SYNPO2: variants seen among roughly 807,000 people sequenced by gnomAD.
The protein encoded by SYNPO2 is synaptopodin 2.
SYNPO2 carries 56 observed loss-of-function variants against 85.0 expected under a neutral mutation model. That is an observed-to-expected ratio of 0.66 (90% confidence interval 0.53 to 0.82). The LOEUF is 0.82. Among genes scored for constraint, SYNPO2 ranks in the 40% least tolerant of loss-of-function variants. The probability of loss-of-function intolerance (pLI) is 0.00; values close to 1 mark genes in which losing one functional copy is unlikely to be tolerated. For missense variants in SYNPO2, 1,575 were observed against 1,534.2 expected (o/e 1.03, Z -0.44); for synonymous variants, 602 against 591.1 (o/e 1.02, Z -0.27).
chr4:119,023,991 C>A (rs755512260), intron 2 of SYNPO2, among the ~76,000 whole-genome samples: 11 of 152,078 alleles, frequency 7.2e-5, no homozygotes, highest in Non-Finnish European at 1.5e-4. Context: ...TACAATTTTT[C>A]ATTAAAAGGA....
chr4:118,957,943 A>G (rs755222351), intron 1 of SYNPO2, among the ~76,000 whole-genome samples: 7 of 152,186 alleles, frequency 4.6e-5, no homozygotes, highest in African/African-American at 7.2e-5. Context: ...AGTCAAGAAT[A>G]TGCAGCCACT....
At chr4:118,995,204 CTCATTTGCAAAGT>C (rs1736542429) in intron 1 of SYNPO2, among the ~76,000 whole-genome samples, 2 of 152,074 alleles carry the variant, frequency 1.3e-5, no homozygotes, top group Admixed American at 1.3e-4. Flanking sequence ...GCCTGTAGGT[CTCATTTGCAAAGT>C]TCTTTAAACA....
At chr4:118,962,621 G>A (rs1446572324) in intron 1 of SYNPO2, among the ~76,000 whole-genome samples, 2 of 152,116 alleles carry the variant, frequency 1.3e-5, no homozygotes, top group Non-Finnish European at 2.9e-5. Flanking sequence ...TAGCTCCAAA[G>A]TGTTGGAAAT....
chr4:119,042,442 G>C (rs1029964260), intron 4 of SYNPO2: 6 of 152,114 alleles, frequency 3.9e-5, no homozygotes, highest in African/African-American at 7.2e-5. Flanking sequence ...TTGGGCCCTA[G>C]ACTCTGTTAT....
chr4:118,997,239 CAA>C (rs1434428754), intron 1 of SYNPO2, among the ~76,000 whole-genome samples: 12 of 65,192 alleles, frequency 1.8e-4, no homozygotes, highest in Admixed American at 1.8e-4. Flanking sequence ...GACTCCGTCT[CAA>C]AAAAAAAAAA....
At chr4:118,970,621 A>G (rs1388347705) in intron 1 of SYNPO2, among the ~76,000 whole-genome samples, 1 of 152,220 alleles carries the variant, frequency 6.6e-6, no homozygotes, top group Non-Finnish European at 1.5e-5. Flanking sequence ...CCCATAGCAG[A>G]TAACCTCATT....
chr4:118,993,966 C>T (rs1217914616), intron 1 of SYNPO2, among the ~76,000 whole-genome samples: 1 of 152,214 alleles, frequency 6.6e-6, no homozygotes, highest in African/African-American at 2.4e-5. Context: ...TAAGCCGGAC[C>T]AGCTGATCGT....
intron 1 of SYNPO2, among the ~76,000 whole-genome samples, chr4:118,882,775 T>G (rs955099780): frequency 8.3e-5 from 5 of 60,126 alleles, no homozygotes; most frequent in African/African-American, 1.7e-4. Context: ...TGCCTGCTAG[T>G]TTTTTTTTTT....
At chr4:118,961,029 C>A (rs928269554) in intron 1 of SYNPO2, among the ~76,000 whole-genome samples, 1 of 152,034 alleles carries the variant, frequency 6.6e-6, no homozygotes, top group East Asian at 1.9e-4. Context: ...AGCTTCCTAT[C>A]GCCCCTAATA....
intron 1 of SYNPO2, among the ~76,000 whole-genome samples, chr4:119,011,644 T>C (rs1737307026): frequency 1.3e-5 from 2 of 152,234 alleles, no homozygotes; most frequent in Admixed American, 6.5e-5. Flanking sequence ...GGAGTGCCTG[T>C]TGACCCAGGT....
At chr4:118,911,181 T>A (rs975645264) in intron 1 of SYNPO2, among the ~76,000 whole-genome samples, 5 of 152,192 alleles carry the variant, frequency 3.3e-5, no homozygotes, top group Admixed American at 6.5e-5. Flanking sequence ...AGATAAAAAA[T>A]TTTTGGTTTA....
intron 1 of SYNPO2, among the ~76,000 whole-genome samples, chr4:118,985,879 T>G (rs956222612): frequency 6.6e-6 from 1 of 152,170 alleles, no homozygotes; most frequent in African/African-American, 2.4e-5. Context: ...TACTACATTA[T>G]TCTGTAGGCC....
intron 1 of SYNPO2, among the ~76,000 whole-genome samples, chr4:118,904,152 TA>T (rs1338843871): frequency 2.6e-5 from 4 of 152,224 alleles, no homozygotes; most frequent in Admixed American, 2.6e-4. Context: ...AACATGGGGA[TA>T]GTCATAACGC....
intron 1 of SYNPO2, among the ~76,000 whole-genome samples, chr4:119,004,921 A>G (rs1283679382): frequency 3.9e-5 from 6 of 151,992 alleles, no homozygotes; most frequent in Admixed American, 2.0e-4. Context: ...TCACCATTCT[A>G]ACTGGTGTGA....
chr4:118,965,930 TA>T (rs59092815), intron 1 of SYNPO2, among the ~76,000 whole-genome samples: 1 of 151,416 alleles, frequency 6.6e-6, no homozygotes, highest in African/African-American at 2.4e-5. Context: ...AGATTTTTTT[TA>T]AAAAAAATTA....
chr4:118,911,000 G>GT (rs1337309994), intron 1 of SYNPO2, among the ~76,000 whole-genome samples: 1 of 152,150 alleles, frequency 6.6e-6, no homozygotes, highest in East Asian at 1.9e-4. Context: ...TTTCCCAAGT[G>GT]TATGTACTTT....
intron 1 of SYNPO2, among the ~76,000 whole-genome samples, chr4:118,944,303 T>A (rs1162567843): frequency 1.3e-5 from 2 of 152,166 alleles, no homozygotes; most frequent in Non-Finnish European, 2.9e-5. Flanking sequence ...GGGACTGTCC[T>A]GGTGCTAAAA....
chr4:119,001,636 T>C (rs752519182), intron 1 of SYNPO2, among the ~76,000 whole-genome samples: 15 of 152,196 alleles, frequency 9.9e-5, no homozygotes, highest in South Asian at 2.1e-4. Context: ...TTTTAAAATT[T>C]AGTTCTTATT....
intron 1 of SYNPO2, among the ~76,000 whole-genome samples, chr4:119,012,520 G>A (rs1207839078): frequency 6.6e-6 from 1 of 151,866 alleles, no homozygotes; most frequent in Non-Finnish European, 1.5e-5. Context: ...CATGGATTAG[G>A]TATTTGTCCT....
Sources: allele counts gnomAD v4.1 joint callset (sites outside exome capture counted in the v4.1 genomes callset), GRCh38; gene constraint gnomAD v4.1.1; transcripts MANE v1.5; gene names NCBI Gene and HGNC (gene_info 2026-07-23, HGNC 2026-07-21).